The following SLC25A46 variants were observed in gnomAD, a reference collection of about 807,000 sequenced individuals.
SLC25A46 encodes mitochondrial outer membrane protein SLC25A46.
SLC25A46 carries 39 observed loss-of-function variants against 44.6 expected under a neutral mutation model. The ratio of observed to expected loss-of-function variants is 0.87; its 90% CI spans 0.68 to 1.14. The LOEUF (loss-of-function observed/expected upper bound fraction) is 1.14, where lower values mean the gene tolerates loss of function less well. Among genes scored for constraint, SLC25A46 ranks in the 50% most tolerant of loss-of-function variants. The probability of loss-of-function intolerance (pLI) is 0.00; values close to 1 mark genes in which losing one functional copy is unlikely to be tolerated. For missense variants in SLC25A46, 547 were observed against 522.7 expected (o/e 1.05, Z -0.45); for synonymous variants, 202 against 185.8 (o/e 1.09, Z -0.71).
chr5:110,750,472 C>T (rs188295110), intron 5 of SLC25A46, among the ~76,000 whole-genome samples: 20 of 152,134 alleles, frequency 1.3e-4, no homozygotes, highest in African/African-American at 4.6e-4. Flanking sequence ...GGGATTGATT[C>T]CAGGACCCCC....
chr5:110,756,918 G>C (rs1042991750), intron 7 of SLC25A46, 159 bp downstream of exon 7: 1 of 430,646 alleles, frequency 2.3e-6, no homozygotes, highest in Non-Finnish European at 4.1e-6. Flanking sequence ...TTGCTTGTCT[G>C]TATATTTCCA....
At chr5:110,745,729 A>G (rs1047924066) in intron 3 of SLC25A46, 1 of 152,508 alleles carries the variant, frequency 6.6e-6, no homozygotes, top group African/African-American at 2.4e-5. Flanking sequence ...TGTATTTCAG[A>G]TATATATTTT....
chr5:110,742,453 A>G (rs1799715250), intron 2 of SLC25A46, among the ~76,000 whole-genome samples: 1 of 152,116 alleles, frequency 6.6e-6, no homozygotes, highest in South Asian at 2.1e-4. Flanking sequence ...TCTGCTGATA[A>G]GAACTTTTTT....
rs550613004 is a variant in SLC25A46, at chr5:110,742,591, T to C, written c.326+502T>C. Among the ~76,000 whole-genome samples, 5 of 152,182 alleles carry C rather than the reference T, an allele frequency of 3.3e-5. No individual in the cohort carries two copies. In the South Asian group the frequency reaches 8.3e-4, roughly 25 times the overall value. On this transcript the variant is annotated intron_variant, in intron 2 of 7. Coordinates refer to ENST00000355943, the MANE Select transcript of SLC25A46 (RefSeq NM_138773.4). ...ATACCGTAGATATTAATATTGTGTA[T>C]TATATATTGTTTCCCTTACTTACCT...
chr5:110,755,003 G>T (rs1303223746), intron 5 of SLC25A46: 1 of 152,698 alleles, frequency 6.5e-6, no homozygotes, highest in African/African-American at 2.4e-5. Context: ...TTATGTAATT[G>T]TACTAAGTAA....
rs1443741666 is a variant in SLC25A46, at chr5:110,764,737, G to T, written c.*2955G>T. 2 of 151,836 alleles carry T rather than the reference G, an allele frequency of 1.3e-5. No homozygotes were observed. Among genetic ancestry groups the T allele is most frequent in the African/African-American group, 4.8e-5 (2 of 41,376 alleles). The allele number at this position is 151,836 out of a possible 1,614,324, so 9.4% of individuals were successfully genotyped here. A position where few individuals can be genotyped will look rare whatever the true frequency, so the allele number is the denominator to read the frequency against. On this transcript the variant is annotated 3_prime_UTR_variant, in exon 8 of 8. Coordinates refer to ENST00000355943, the MANE Select transcript of SLC25A46 (RefSeq NM_138773.4). Reference sequence around the variant, plus strand: ...AGGTTGTGGAGGATTTTTGTCCACTGATCTTTTGCAACAGAAAAGCATACT... The same window carrying T: ...AGGTTGTGGAGGATTTTTGTCCACTTATCTTTTGCAACAGAAAAGCATACT...
chr5:110,753,923 A>G (rs141154247), intron 5 of SLC25A46: 12 of 152,178 alleles, frequency 7.9e-5, no homozygotes, highest in Non-Finnish European at 1.3e-4. Flanking sequence ...TGATTTACAA[A>G]GCATGTAACG....
At chr5:110,744,680 G>A (rs942341890) in intron 3 of SLC25A46, among the ~76,000 whole-genome samples, 1 of 152,106 alleles carries the variant, frequency 6.6e-6, no homozygotes, top group African/African-American at 2.4e-5. Flanking sequence ...AGTAAATACT[G>A]TTATTTATTT....
In SLC25A46 at chr5:110,761,242, T is replaced by C. The variant is rs1375827625; in HGVS notation, c.717T>C (p.Cys239=). The change falls in exon 8 of 8, where the codon TGT becomes TGC. Residue 239 remains cysteine (C), a synonymous_variant. Coordinates refer to ENST00000355943, the MANE Select transcript of SLC25A46 (RefSeq NM_138773.4). The surrounding 1 kb of genome is among the most constrained non-coding windows in gnomAD (Gnocchi z 5.3). ...GAGATAATACTGGCATTTTGGAGTG[T>C]GTTAAAGAAGGAATTGGAAGAGTGA... ...IIRDNTGILE[C]VKEGIGRVIG... 5 of 1,612,442 alleles carry C rather than the reference T, an allele frequency of 3.1e-6. No homozygotes were observed. The highest frequency in any genetic ancestry group is 4.2e-6 in the Non-Finnish European group (5 of 1,179,328).
At chr5:110,757,955 T>C (rs1377566138) in intron 7 of SLC25A46, among the ~76,000 whole-genome samples, 1 of 152,184 alleles carries the variant, frequency 6.6e-6, no homozygotes, top group Admixed American at 6.6e-5. Flanking sequence ...AAATTGTGAA[T>C]AGTATTTTAA....
rs1800277943 is a variant in SLC25A46, at chr5:110,762,372, C to A, written c.*590C>A. The stretch of plus-strand genomic sequence containing the variant: ...GCTATATATATGTATTTTATAAAGC[C>A]ATTTATGTATACACATGTAACTTGG... On this transcript the variant is annotated 3_prime_UTR_variant, in exon 8 of 8. Coordinates refer to ENST00000355943, the MANE Select transcript of SLC25A46 (RefSeq NM_138773.4). 6.6e-6 allele frequency: 1 copy of A among 151,860 alleles called. No homozygotes were observed. The highest frequency in any genetic ancestry group is 1.5e-5 in the Non-Finnish European group (1 of 67,972). The allele number at this position is 151,860 out of a possible 1,614,324, so 9.4% of individuals were successfully genotyped here. A position where few individuals can be genotyped will look rare whatever the true frequency, so the allele number is the denominator to read the frequency against.
At chr5:110,752,112 A>G (rs1160701825) in intron 5 of SLC25A46, among the ~76,000 whole-genome samples, 2 of 152,214 alleles carry the variant, frequency 1.3e-5, no homozygotes, top group African/African-American at 4.8e-5. Flanking sequence ...ATTGCGTAAC[A>G]TTTACTAGGT....
chr5:110,758,293 T>C (rs1800163716), intron 7 of SLC25A46, among the ~76,000 whole-genome samples: 1 of 152,180 alleles, frequency 6.6e-6, no homozygotes, highest in African/African-American at 2.4e-5. Context: ...TCATTAGCTC[T>C]AATCTCATGT....
intron 5 of SLC25A46, 120 bp downstream of exon 5, chr5:110,748,383 T>A: frequency 1.4e-6 from 1 of 712,742 alleles, no homozygotes; most frequent in Non-Finnish European, 2.4e-6. Flanking sequence ...TTTGGACTTC[T>A]AATGATCCTC....
In SLC25A46 at chr5:110,761,564, C is replaced by T. The variant is rs1800252146; in HGVS notation, c.1039C>T (p.Arg347Cys). ...VLHRLHIQGT[R>C]TIIDNTDLGY... ...GCACCGCCTTCACATTCAAGGAACA[C>T]GCACAATAATTGACAATACAGACCT... The change falls in exon 8 of 8, where the codon CGC (arginine) becomes TGC (cysteine). Residue 347 changes from arginine to cysteine, a missense_variant. Physicochemically the swap from Arg to Cys is radical, Grantham distance 180. Transcript: ENST00000355943. The surrounding 1 kb of genome is among the most constrained non-coding windows in gnomAD (Gnocchi z 5.3). 2.5e-6 allele frequency: 4 copies of T among 1,613,632 alleles called. No individual in the cohort carries two copies. Among genetic ancestry groups the T allele is most frequent in the Non-Finnish European group, 3.4e-6 (4 of 1,179,802 alleles).
At chr5:110,746,819 G>A (rs559421522) in intron 4 of SLC25A46, among the ~76,000 whole-genome samples, 14 of 152,158 alleles carry the variant, frequency 9.2e-5, no homozygotes, top group Non-Finnish European at 1.6e-4. Context: ...GGTTTTTAAA[G>A]TAGACGTGTG....
chr5:110,746,201 C>T (rs1181147238), intron 3 of SLC25A46, 68 bp from the exon 4 acceptor site: 7 of 1,250,960 alleles, frequency 5.6e-6, no homozygotes, highest in Non-Finnish European at 7.9e-6. Context: ...CACCATATTT[C>T]TTTCATGGCT....
rs759860257 is a variant in SLC25A46 at position 110,762,825 on chromosome 5, GGCTTCC to G, written c.*1045_*1050del. Reference sequence around the variant, plus strand: ...TAGTATATAGTCACCACTAAATAATGGCTTCCGTTTTTATTTTCTTTCAGGTTTTGC... The same window carrying G: ...TAGTATATAGTCACCACTAAATAATGGTTTTTATTTTCTTTCAGGTTTTGC... On this transcript the variant is annotated 3_prime_UTR_variant, in exon 8 of 8. Coordinates refer to ENST00000355943, the MANE Select transcript of SLC25A46 (RefSeq NM_138773.4). 4.0e-5 allele frequency: 6 copies of G among 151,690 alleles called. No homozygotes were observed. The highest frequency in any genetic ancestry group is 7.4e-5 in the Non-Finnish European group (5 of 67,840). 9.4% of individuals were successfully genotyped at this position (151,690 alleles called of 1,614,324 possible).
chr5:110,738,171 A>AG (rs1799403025), upstream of SLC25A46: 1 of 1,250,652 alleles, frequency 8.0e-7, no homozygotes, highest in Non-Finnish European at 1.0e-6. Context: ...GAAGGAACAT[A>AG]GGATGAAACC....
Sources: gnomAD v4.1 joint callset for allele counts (sites outside exome capture counted in the v4.1 genomes callset) on GRCh38, gnomAD v4.1.1 for gene constraint, Gnocchi (gnomAD v3.1) non-coding constraint, MANE v1.5 for transcripts, NCBI Gene and HGNC (gene_info 2026-07-23, HGNC 2026-07-21) for gene names.